Variants in NCKAP5 observed in about 807,000 individuals in gnomAD.
NCKAP5 encodes NCK associated protein 5.
In NCKAP5, 92 loss-of-function variants were observed where a neutral mutation model predicts 167.0. That is an observed-to-expected ratio of 0.55 (90% CI 0.47 to 0.66). The LOEUF is 0.66. NCKAP5 is among the 30% of genes least tolerant of loss of function. NCKAP5 has a pLI of 0.00. For missense variants in NCKAP5, 2,378 were observed against 2,315.0 expected (o/e 1.03, Z -0.56); for synonymous variants, 891 against 877.4 (o/e 1.02, Z -0.27).
intron 3 of NCKAP5, among the ~76,000 whole-genome samples, chr2:133,318,145 A>T (rs2150654747): frequency 6.6e-6 from 1 of 152,282 alleles, no homozygotes; most frequent in East Asian, 1.9e-4. Context: ...ACCAGCATAA[A>T]CAGCTTTCAG....
chr2:133,487,442 T>A (rs1333021408), intron 3 of NCKAP5, among the ~76,000 whole-genome samples: 1 of 152,138 alleles, frequency 6.6e-6, no homozygotes, highest in African/African-American at 2.4e-5. Flanking sequence ...GCTAATTAGT[T>A]GTGTTTTCTA....
intron 11 of NCKAP5, among the ~76,000 whole-genome samples, chr2:132,822,593 G>A (rs1253292509): frequency 6.6e-6 from 1 of 152,190 alleles, no homozygotes; most frequent in Non-Finnish European, 1.5e-5. Context: ...CATTGAATTA[G>A]TCTACCCAAA....
chr2:132,721,059 C>A (rs1208899424), intron 19 of NCKAP5, among the ~76,000 whole-genome samples: 1 of 151,822 alleles, frequency 6.6e-6, no homozygotes, highest in African/African-American at 2.4e-5. Context: ...CCTGTATTCC[C>A]AGCACTTTGG....
intron 3 of NCKAP5, among the ~76,000 whole-genome samples, chr2:133,339,215 T>C (rs1683414331): frequency 6.6e-6 from 1 of 152,284 alleles, no homozygotes; most frequent in Middle Eastern, 3.4e-3. Context: ...TGAGAAGTTG[T>C]GTACCTTTTA....
intron 6 of NCKAP5, among the ~76,000 whole-genome samples, chr2:133,030,011 G>A (rs892415837): frequency 1.3e-5 from 2 of 152,208 alleles, no homozygotes; most frequent in Non-Finnish European, 2.9e-5. Context: ...CTACGCAGCT[G>A]TCAGTGCAAA....
the NCKAP5 span, among the ~76,000 whole-genome samples, chr2:133,606,392 T>C: frequency 6.6e-6 from 1 of 152,202 alleles, no homozygotes; most frequent in Non-Finnish European, 1.5e-5. Flanking sequence ...AAATTGTTTT[T>C]CATCAAAACG....
the NCKAP5 span, among the ~76,000 whole-genome samples, chr2:133,616,523 C>A: frequency 1.3e-5 from 2 of 151,316 alleles, no homozygotes; most frequent in South Asian, 2.1e-4. Flanking sequence ...ACTACCAACA[C>A]CTCTACCCAA....
At chr2:132,804,632 T>A (rs964629117) in intron 11 of NCKAP5, among the ~76,000 whole-genome samples, 1 of 152,126 alleles carries the variant, frequency 6.6e-6, no homozygotes, top group Non-Finnish European at 1.5e-5. Flanking sequence ...GTCACTAGAA[T>A]TCAATGTACC....
chr2:133,347,579 T>TTAATA (rs202127484), intron 3 of NCKAP5, among the ~76,000 whole-genome samples: 1,745 of 149,490 alleles, frequency 0.012, 39 homozygotes, highest in African/African-American at 0.037. Context: ...ATTAAAATAA[T>TTAATA]TAATATAATA....
intron 5 of NCKAP5, among the ~76,000 whole-genome samples, chr2:133,183,924 A>G (rs4954035): frequency 0.34 from 52,137 of 152,034 alleles, 9,948 homozygotes; most frequent in East Asian, 0.74. Flanking sequence ...ATATATTATC[A>G]GCAAGTATGT....
At chr2:133,348,439 GACAAAAAC>G (rs1382624807) in intron 3 of NCKAP5, among the ~76,000 whole-genome samples, 1 of 151,920 alleles carries the variant, frequency 6.6e-6, no homozygotes, top group Non-Finnish European at 1.5e-5. Flanking sequence ...TATCTACTGT[GACAAAAAC>G]ACAAAAACTG....
the NCKAP5 span, among the ~76,000 whole-genome samples, chr2:133,601,517 G>A: frequency 6.6e-6 from 1 of 152,272 alleles, no homozygotes; most frequent in South Asian, 2.1e-4. Flanking sequence ...ATCACCTGAG[G>A]TCAGGAGTTT....
the NCKAP5 span, among the ~76,000 whole-genome samples, chr2:133,660,263 C>T: frequency 1.3e-5 from 2 of 152,168 alleles, no homozygotes; most frequent in Non-Finnish European, 2.9e-5. Flanking sequence ...TCTGACTTTC[C>T]TGTGGTCTCG....
chr2:133,591,600 A>G, the NCKAP5 span, among the ~76,000 whole-genome samples: 1 of 152,322 alleles, frequency 6.6e-6, no homozygotes, highest in East Asian at 1.9e-4. Flanking sequence ...TGGCTTCATC[A>G]CACTCAAATG....
At chr2:132,674,795 C>A (rs528007431) in intron 19 of NCKAP5, among the ~76,000 whole-genome samples, 1 of 152,130 alleles carries the variant, frequency 6.6e-6, no homozygotes, top group African/African-American at 2.4e-5. Context: ...ATTTGAAAAT[C>A]ATCCTAGATC....
At chr2:132,853,354 T>G (rs1689219567) in intron 11 of NCKAP5, among the ~76,000 whole-genome samples, 1 of 152,214 alleles carries the variant, frequency 6.6e-6, no homozygotes, top group Admixed American at 6.5e-5. Context: ...TGGGGCTGGC[T>G]GCAGGGCACA....
chr2:132,753,797 G>C (rs531056881), intron 16 of NCKAP5, among the ~76,000 whole-genome samples: 3 of 152,186 alleles, frequency 2.0e-5, no homozygotes, highest in Admixed American at 6.5e-5. Context: ...CTTGATATTT[G>C]GGTGGCATGC....
chr2:133,502,948 G>A (rs1231999890), intron 3 of NCKAP5, among the ~76,000 whole-genome samples: 4 of 152,254 alleles, frequency 2.6e-5, no homozygotes, highest in East Asian at 3.9e-4. Context: ...TCTATGTTGC[G>A]ATGGTAGGCA....
rs367853164 is a variant in NCKAP5, at chr2:133,441,161, CCT to C, written c.69+76295_69+76296del. Among the ~76,000 whole-genome samples, 515 of 152,052 alleles carry C rather than the reference CCT, an allele frequency of 3.4e-3. 6 individuals are homozygous for C. Among genetic ancestry groups the C allele is most frequent in the African/African-American group, 0.011 (455 of 41,434 alleles). ...ATTGTCTAGGTCTAATTTTTTCCTT[CCT>C]CTGTCACCCTCATATGTGTGCTAAT... On this transcript the variant is annotated intron_variant, in intron 3 of 19. Transcript: ENST00000409261.
Sources: gnomAD v4.1 joint callset for allele counts (sites outside exome capture counted in the v4.1 genomes callset) on GRCh38, gnomAD v4.1.1 for gene constraint, MANE v1.5 for transcripts, NCBI Gene and HGNC (gene_info 2026-07-23, HGNC 2026-07-21) for gene names.